DLGAP1: variants seen among roughly 807,000 people sequenced by gnomAD.
The protein encoded by DLGAP1 is disks large-associated protein 1.
A neutral mutation model predicts 90.8 loss-of-function variants in DLGAP1; 11 were observed. That is an observed-to-expected ratio of 0.12 (90% CI 0.08 to 0.20). The LOEUF (loss-of-function observed/expected upper bound fraction) is 0.20. Ranked by LOEUF, DLGAP1 falls within the 10% of genes least tolerant of loss-of-function variation. The pLI, the probability that DLGAP1 is intolerant of heterozygous loss-of-function variation, is 1.00. For missense variants in DLGAP1, 1,050 were observed against 1,333.8 expected (o/e 0.79, Z 3.31); for synonymous variants, 558 against 540.7 (o/e 1.03, Z -0.44).
At chr18:3,887,738 T>C (rs374386907) in intron 3 of DLGAP1, among the ~76,000 whole-genome samples, 64 of 152,200 alleles carry the variant, frequency 4.2e-4, no homozygotes, top group African/African-American at 1.5e-3. Context: ...GGCTGATGAT[T>C]TTAAATTATT....
Position 3,567,598 on chromosome 18 carries a change from A to G in DLGAP1, c.1966-17T>C. 1.9e-6 allele frequency: 3 copies of G among 1,605,598 alleles called. No homozygotes were observed. Among genetic ancestry groups the G allele is most frequent in the Admixed American group, 1.7e-5 (1 of 59,692 alleles). On this transcript the variant is annotated splice_polypyrimidine_tract_variant and intron_variant, in intron 8 of 12. Coordinates refer to ENST00000315677, the MANE Select transcript of DLGAP1 (RefSeq NM_004746.4). ...ATCATCCACCTGGAGAAATCATCAA[A>G]TAAATAGAGTTGTTCCATTTCAGTC...
At chr18:3,600,753 T>G (rs1479753815) in intron 7 of DLGAP1, among the ~76,000 whole-genome samples, 6 of 90,200 alleles carry the variant, frequency 6.7e-5, no homozygotes, top group South Asian at 6.6e-4. Context: ...TATAGATATA[T>G]ATAGATATAT....
chr18:4,194,443 A>G (rs1321479563), intron 1 of DLGAP1, among the ~76,000 whole-genome samples: 1 of 152,222 alleles, frequency 6.6e-6, no homozygotes, highest in Non-Finnish European at 1.5e-5. Context: ...TATTATATCG[A>G]ATTGGATTAG....
intron 4 of DLGAP1, among the ~76,000 whole-genome samples, chr18:3,848,460 T>C (rs1158916998): frequency 1.3e-5 from 2 of 152,168 alleles, no homozygotes; most frequent in African/African-American, 4.8e-5. Flanking sequence ...AGATGACTCA[T>C]GCATTTATAT....
At chr18:4,404,088 A>T (rs184591284) in intron 1 of DLGAP1, among the ~76,000 whole-genome samples, 65 of 152,330 alleles carry the variant, frequency 4.3e-4, no homozygotes, top group Non-Finnish European at 7.3e-4. Context: ...CCAAAGTCAC[A>T]GGACTTTTGA....
chr18:3,962,286 G>T (rs183644193), intron 3 of DLGAP1: 2 of 152,154 alleles, frequency 1.3e-5, no homozygotes, highest in Admixed American at 1.3e-4. Flanking sequence ...ATCACTCATC[G>T]TTTCTTCACA....
intron 7 of DLGAP1, among the ~76,000 whole-genome samples, chr18:3,638,560 C>G (rs986667301): frequency 6.6e-6 from 1 of 152,182 alleles, no homozygotes; most frequent in African/African-American, 2.4e-5. Context: ...TTTTCTCCCC[C>G]CATCTTGTGA....
chr18:3,768,789 G>T (rs2064378216), intron 5 of DLGAP1, among the ~76,000 whole-genome samples: 1 of 152,112 alleles, frequency 6.6e-6, no homozygotes, highest in Non-Finnish European at 1.5e-5. Flanking sequence ...TTGATCAAGG[G>T]CTTAAATGTA....
Position 3,718,977 on chromosome 18 carries a change from C to T in DLGAP1, c.1591+10158G>A, listed in dbSNP as rs191295918. The stretch of plus-strand genomic sequence containing the variant: ...ATGGCTGAAAATTTCTCAAATTTGG[C>T]AATTTGGGAAAAAAATACAAGCAAA... On this transcript the variant is annotated intron_variant, in intron 7 of 12. Transcript: ENST00000315677. Among the ~76,000 whole-genome samples the T allele has an allele frequency of 4.3e-3, 632 of 148,496 alleles. 17 individuals are homozygous for T. The highest frequency in any genetic ancestry group is 0.038 in the Admixed American group (565 of 14,912).
At chr18:3,636,079 G>A (rs959277662) in intron 7 of DLGAP1, among the ~76,000 whole-genome samples, 2 of 151,004 alleles carry the variant, frequency 1.3e-5, no homozygotes, top group East Asian at 2.0e-4. Flanking sequence ...CATACCTTTC[G>A]CTCTTTTCTC....
At position 4,203,889 on chromosome 18, in the gene DLGAP1, C is replaced by T. The variant is rs113901487; in HGVS notation, c.-266-52602G>A. On this transcript the variant is annotated intron_variant, in intron 1 of 12. Coordinates refer to ENST00000315677, the MANE Select transcript of DLGAP1 (RefSeq NM_004746.4). ...CAGAAGAGCAGCTTCCTACTCAGCC[C>T]GAGGAGGTCAGAAAGAACTCAGAAG... Among the ~76,000 whole-genome samples, 18 of 152,260 alleles carry T rather than the reference C, an allele frequency of 1.2e-4. 1 individual carries two copies. The highest frequency in any genetic ancestry group is 2.9e-4 in the African/African-American group (12 of 41,560).
intron 5 of DLGAP1, among the ~76,000 whole-genome samples, chr18:3,756,055 A>T (rs1395803203): frequency 6.8e-6 from 1 of 147,432 alleles, no homozygotes; most frequent in Non-Finnish European, 1.5e-5. Context: ...ACTAAACATT[A>T]TTTTTTTTTT....
chr18:3,569,824 A>T, intron 8 of DLGAP1, among the ~76,000 whole-genome samples: 1 of 151,986 alleles, frequency 6.6e-6, no homozygotes, highest in Non-Finnish European at 1.5e-5. Flanking sequence ...ATACATTCTC[A>T]TATAGGCATT....
intron 1 of DLGAP1, among the ~76,000 whole-genome samples, chr18:4,195,414 T>C (rs1435313210): frequency 3.3e-5 from 5 of 152,364 alleles, no homozygotes; most frequent in Non-Finnish European, 5.9e-5. Flanking sequence ...CTTTGTTGTC[T>C]GGTTCTAGTC....
chr18:4,132,252 T>C (rs1297458428), intron 2 of DLGAP1, among the ~76,000 whole-genome samples: 1 of 152,194 alleles, frequency 6.6e-6, no homozygotes, highest in Non-Finnish European at 1.5e-5. Context: ...TATCTACTTT[T>C]ATATATCATT....
intron 3 of DLGAP1, among the ~76,000 whole-genome samples, chr18:3,897,451 C>T (rs1015891508): frequency 2.0e-4 from 31 of 152,150 alleles, no homozygotes; most frequent in African/African-American, 6.5e-4. Flanking sequence ...ATGACAGGTA[C>T]AGTTCTAGGA....
chr18:4,336,504 T>C (rs2081069972), intron 1 of DLGAP1, among the ~76,000 whole-genome samples: 1 of 152,202 alleles, frequency 6.6e-6, no homozygotes, highest in Non-Finnish European at 1.5e-5. Flanking sequence ...TAACGGCTAC[T>C]TCTAGGCCAG....
chr18:4,381,622 C>G (rs75854258), intron 1 of DLGAP1, among the ~76,000 whole-genome samples: 2 of 152,092 alleles, frequency 1.3e-5, no homozygotes, highest in African/African-American at 2.4e-5. Context: ...TGGAGTCCCC[C>G]GTTTCCTACT....
At chr18:3,951,154 T>C (rs1027296928) in intron 3 of DLGAP1, among the ~76,000 whole-genome samples, 2 of 152,238 alleles carry the variant, frequency 1.3e-5, no homozygotes, top group Non-Finnish European at 2.9e-5. Context: ...ACTAATGCAA[T>C]TGATCTAGAG....
Sources: gnomAD v4.1 joint callset for allele counts (sites outside exome capture counted in the v4.1 genomes callset) on GRCh38, gnomAD v4.1.1 for gene constraint, MANE v1.5 for transcripts, NCBI Gene and HGNC (gene_info 2026-07-23, HGNC 2026-07-21) for gene names.